ZNF521: variants seen among roughly 807,000 people sequenced by gnomAD.
ZNF521 encodes LYST-interacting protein 3.
A neutral mutation model predicts 105.5 loss-of-function variants in ZNF521; 14 were observed. The observed-to-expected ratio is 0.13, with a 90% CI of 0.09 to 0.21. ZNF521 has a LOEUF of 0.21. Among genes scored for constraint, ZNF521 ranks in the 10% least tolerant of loss-of-function variants. ZNF521 has a pLI of 1.00. For missense variants in ZNF521, 1,233 were observed against 1,629.7 expected, an observed-to-expected ratio of 0.76 and a Z score of 4.19; for synonymous variants, 635 against 606.0, an observed-to-expected ratio of 1.05 and a Z score of -0.70.
chr18:25,094,800 C>T (rs1047815333), intron 5 of ZNF521, among the ~76,000 whole-genome samples: 2 of 152,048 alleles, frequency 1.3e-5, no homozygotes, highest in Admixed American at 6.6e-5. Context: ...TACTCCCTTC[C>T]CCCATCTTCA....
chr18:25,229,954 G>A (rs771420410), intron 3 of ZNF521, among the ~76,000 whole-genome samples: 27 of 152,244 alleles, frequency 1.8e-4, no homozygotes, highest in Admixed American at 3.9e-4. Context: ...TAGAGCAATG[G>A]ACCATTATAA....
chr18:25,225,833 G>A lies in ZNF521; in HGVS notation c.2085C>T (p.Ile695=). 2 of 1,614,226 alleles carry A rather than the reference G, an allele frequency of 1.2e-6. No individual in the cohort carries two copies. The highest frequency in any genetic ancestry group is 1.7e-6 in the Non-Finnish European group (2 of 1,180,036). The change falls in exon 4 of 8, where the codon ATC becomes ATT. Residue 695 remains isoleucine, a synonymous_variant. Coordinates refer to ENST00000361524, the MANE Select transcript of ZNF521 (RefSeq NM_015461.3). This position sits in a 1 kb window ranked among gnomAD's most constrained non-coding sequence, Gnocchi z 5.6. ...TGAATTGCTTGTCACAACTCTCACA[G>A]ATGTAATACGTTGAAGTGATCATAA... ...IHFMITSTYY[I]CESCDKQFTS... is the part of the protein sequence containing the mutation.
chr18:25,224,200 C>T (rs1905931748), intron 4 of ZNF521, 145 bp downstream of exon 4: 1 of 786,044 alleles, frequency 1.3e-6, no homozygotes, highest in Non-Finnish European at 2.0e-6. Flanking sequence ...TAGCTAATGG[C>T]TATGGGGGAA....
intron 5 of ZNF521, among the ~76,000 whole-genome samples, chr18:25,102,312 T>C (rs1201034101): frequency 2.0e-5 from 3 of 151,984 alleles, no homozygotes; most frequent in Non-Finnish European, 2.9e-5. Flanking sequence ...CAAAACTGTA[T>C]TTTTTGGCTT....
chr18:25,062,761 A>C lies in ZNF521; in HGVS notation c.3907-20T>G. On this transcript the variant is annotated intron_variant, in intron 7 of 7. Coordinates refer to ENST00000361524, the MANE Select transcript of ZNF521 (RefSeq NM_015461.3). ...ATGATTCTGTAAATAACAAAAAAAAAAAAAAAAAAAAAAAAAAAAAAAAAG... is the reference window on the plus strand; with the variant it reads ...ATGATTCTGTAAATAACAAAAAAAACAAAAAAAAAAAAAAAAAAAAAAAAG... 9.1e-7 allele frequency: 1 copy of C among 1,098,316 alleles called. No homozygotes were observed. The highest frequency in any genetic ancestry group is 1.2e-6 in the Non-Finnish European group (1 of 830,084). 68.0% of individuals were successfully genotyped at this position (1,098,316 alleles called of 1,614,324 possible). A position where few individuals can be genotyped will look rare whatever the true frequency, so the allele number is the denominator to read the frequency against.
chr18:25,298,553 T>G (rs1048809688), intron 3 of ZNF521, among the ~76,000 whole-genome samples: 1 of 152,180 alleles, frequency 6.6e-6, no homozygotes, highest in Non-Finnish European at 1.5e-5. Context: ...CCTAGGACTT[T>G]TGTTCGCCCT....
At chr18:25,210,536 T>A (rs75040354) in intron 4 of ZNF521, among the ~76,000 whole-genome samples, 3,099 of 152,340 alleles carry the variant, frequency 0.02, 55 homozygotes, top group South Asian at 0.074. Context: ...AATCTCTTTA[T>A]GACATGAAGT....
At chr18:25,304,729 C>A (rs1392078969) in intron 3 of ZNF521, among the ~76,000 whole-genome samples, 3 of 152,180 alleles carry the variant, frequency 2.0e-5, no homozygotes, top group Non-Finnish European at 2.9e-5. Flanking sequence ...CACAAGACCT[C>A]TCCTATCAGC....
At chr18:25,063,104 C>T (rs565359617) in intron 7 of ZNF521, among the ~76,000 whole-genome samples, 1 of 152,280 alleles carries the variant, frequency 6.6e-6, no homozygotes, top group African/African-American at 2.4e-5. Context: ...AATACCCTCC[C>T]GCCATCCATC....
chr18:25,197,070 A>G (rs45604733), intron 4 of ZNF521, among the ~76,000 whole-genome samples: 2,285 of 151,948 alleles, frequency 0.015, 25 homozygotes, highest in Non-Finnish European at 0.017. Context: ...AAGCCAAAAT[A>G]ATAAAATGCC....
chr18:25,299,728 G>A (rs1045564241), intron 3 of ZNF521, among the ~76,000 whole-genome samples: 1 of 152,028 alleles, frequency 6.6e-6, no homozygotes, highest in Non-Finnish European at 1.5e-5. Flanking sequence ...ATGATACAAG[G>A]GAACAAAAGA....
intron 5 of ZNF521, among the ~76,000 whole-genome samples, chr18:25,152,849 A>C (rs1266515387): frequency 6.6e-6 from 1 of 152,140 alleles, no homozygotes; most frequent in African/African-American, 2.4e-5. Context: ...CATTAATGAA[A>C]ACAGTGGAAT....
At chr18:25,182,489 C>T (rs754069721) in intron 5 of ZNF521, among the ~76,000 whole-genome samples, 1 of 152,138 alleles carries the variant, frequency 6.6e-6, no homozygotes, top group Non-Finnish European at 1.5e-5. Context: ...ATTAAACACA[C>T]CTATATGTGA....
chr18:25,267,917 A>G (rs947153584), intron 3 of ZNF521, among the ~76,000 whole-genome samples: 1 of 152,204 alleles, frequency 6.6e-6, no homozygotes, highest in African/African-American at 2.4e-5. Context: ...GAACAAAACT[A>G]GACAGAGAAT....
In ZNF521 at chr18:25,089,537, G is replaced by T. The variant is rs763175327; in HGVS notation, c.3834C>A (p.Ala1278=). ...ANKLQQHIFS[A]HGQEDKIYDC... is the part of the protein sequence containing the mutation. ...CATAGATCTTGTCTTCTTGTCCATG[G>T]GCAGAGAAAATATGCTGCTGCAACT... Residue 1278 remains alanine, a synonymous_variant, in exon 7 of 8, where the codon GCC becomes GCA. Transcript: ENST00000361524. The T allele has an allele frequency of 1.9e-6, 3 of 1,614,064 alleles. No homozygotes were observed. Among genetic ancestry groups the T allele is most frequent in the South Asian group, 2.2e-5 (2 of 91,072 alleles).
At chr18:25,160,826 T>C (rs1191302128) in intron 5 of ZNF521, among the ~76,000 whole-genome samples, 1 of 152,102 alleles carries the variant, frequency 6.6e-6, no homozygotes, top group East Asian at 1.9e-4. Flanking sequence ...TGTGTGTGTA[T>C]ATGTGTGTGT....
chr18:25,177,157 T>A (rs1336706077), intron 5 of ZNF521, among the ~76,000 whole-genome samples: 1 of 152,230 alleles, frequency 6.6e-6, no homozygotes, highest in Non-Finnish European at 1.5e-5. Context: ...TACCCTATTT[T>A]ATGACTGCTA....
At chr18:25,284,296 G>A (rs1019802625) in intron 3 of ZNF521, among the ~76,000 whole-genome samples, 1 of 152,040 alleles carries the variant, frequency 6.6e-6, no homozygotes, top group Non-Finnish European at 1.5e-5. Flanking sequence ...ATGTATGTAT[G>A]ATAAACATTT....
chr18:25,239,394 T>C (rs1009924882), intron 3 of ZNF521, among the ~76,000 whole-genome samples: 3 of 152,212 alleles, frequency 2.0e-5, no homozygotes, highest in Admixed American at 2.0e-4. Flanking sequence ...AGTGTGTACA[T>C]GAAAAAGTCT....
Sources: allele counts gnomAD v4.1 joint callset (sites outside exome capture counted in the v4.1 genomes callset), GRCh38; gene constraint gnomAD v4.1.1; non-coding constraint Gnocchi (gnomAD v3.1); transcripts MANE v1.5; gene names NCBI Gene and HGNC (gene_info 2026-07-23, HGNC 2026-07-21).